The following RGS3 variants were observed in gnomAD, a reference collection of about 807,000 sequenced individuals.
RGS3 encodes regulator of G protein signaling 3.
In RGS3, 80 loss-of-function variants were observed where a neutral mutation model predicts 132.6. The observed-to-expected ratio is 0.60, with a 90% CI of 0.50 to 0.73. RGS3 has a LOEUF of 0.73. RGS3 is among the 30% of genes least tolerant of loss of function. The pLI is 0.00. For synonymous variants in RGS3, 598 were observed against 620.6 expected, an observed-to-expected ratio of 0.96 and a Z score of 0.54; for missense variants, 1,382 against 1,530.8, an observed-to-expected ratio of 0.90 and a Z score of 1.62.
At chr9:113,530,233 A>G (rs1442641483) in intron 18 of RGS3, among the ~76,000 whole-genome samples, 1 of 152,246 alleles carries the variant, frequency 6.6e-6, no homozygotes, top group Non-Finnish European at 1.5e-5. Context: ...GTTCCTGGCT[A>G]AGAAGTGCAA....
Position 113,470,180 on chromosome 9 carries a change from A to G in RGS3, c.415+7979A>G, listed in dbSNP as rs577879950. Among the ~76,000 whole-genome samples, 10 of 147,444 alleles carry G rather than the reference A, an allele frequency of 6.8e-5. No individual in the cohort carries two copies. In the East Asian group the frequency reaches 1.6e-3, roughly 24 times the overall value. Reference sequence around the variant, plus strand: ...CCTGCCTTGGCCTCCCAAAGAGTCAATTTTTATAAATGTTCTTTGTGTATT... The same window carrying G: ...CCTGCCTTGGCCTCCCAAAGAGTCAGTTTTTATAAATGTTCTTTGTGTATT... On this transcript the variant is annotated intron_variant, in intron 3 of 24. Transcript: ENST00000350696.
intron 20 of RGS3, among the ~76,000 whole-genome samples, 160 bp downstream of exon 18, chr9:113,584,587 A>G (rs1415745643): frequency 6.6e-6 from 1 of 152,236 alleles, no homozygotes; most frequent in Admixed American, 6.5e-5. Flanking sequence ...ACTGAGGCCC[A>G]ATGGGACCAA....
intron 3 of RGS3, among the ~76,000 whole-genome samples, chr9:113,472,462 C>T (rs374788770): frequency 3.3e-5 from 5 of 152,120 alleles, no homozygotes; most frequent in South Asian, 2.1e-4. Flanking sequence ...AATACTGATA[C>T]GTGCTACAAT....
At chr9:113,582,274 C>T (rs769381671) in intron 19 of RGS3, 6 of 877,042 alleles carry the variant, frequency 6.8e-6, no homozygotes, top group Non-Finnish European at 8.2e-6. Context: ...TCAGTTTTCT[C>T]ATCCATCAAA....
intron 20 of RGS3, among the ~76,000 whole-genome samples, chr9:113,585,102 G>A (rs1035713721): frequency 3.3e-5 from 5 of 152,212 alleles, no homozygotes; most frequent in African/African-American, 1.2e-4. Context: ...CAGGCCCTGC[G>A]CTCTGCAACA....
At chr9:113,509,843 G>A (rs1831322377) in intron 14 of RGS3, among the ~76,000 whole-genome samples, 1 of 152,182 alleles carries the variant, frequency 6.6e-6, no homozygotes, top group Admixed American at 6.5e-5. Context: ...TTTCTCTCCG[G>A]TCTGGGGCAT....
At chr9:113,488,432 T>A (rs374427202) in intron 7 of RGS3, among the ~76,000 whole-genome samples, 8 of 152,148 alleles carry the variant, frequency 5.3e-5, no homozygotes, top group African/African-American at 1.9e-4. Flanking sequence ...TCAAGGAAGG[T>A]CATCGAATGC....
At chr9:113,583,168 T>G (rs1834908258) in intron 19 of RGS3, 2 of 494,798 alleles carry the variant, frequency 4.0e-6, no homozygotes, top group Non-Finnish European at 7.1e-6. Context: ...GCCTGGCACC[T>G]GCCAAAGCAG....
intron 16 of RGS3, 102 bp downstream of exon 14, chr9:113,517,726 T>C (rs1831749930): frequency 2.3e-6 from 2 of 870,154 alleles, no homozygotes; most frequent in South Asian, 3.2e-5. Context: ...CTTAGAATTG[T>C]ACATTCTCAG....
At chr9:113,522,874 C>T in intron 16 of RGS3, 56 bp from the exon 15 acceptor site, 2 of 1,177,202 alleles carry the variant, frequency 1.7e-6, no homozygotes. Context: ...GGTTGTGGCT[C>T]TCAGCCTCCA....
chr9:113,461,804 G>A, exon 2 of RGS3: 1 of 1,614,192 alleles, frequency 6.2e-7, no homozygotes, highest in South Asian at 1.1e-5. Flanking sequence ...TGGAGCCCAA[G>A]ATAGTCTCCC....
At chr9:113,456,921 T>C (rs763585316), upstream of RGS3, among the ~76,000 whole-genome samples, 24 of 152,090 alleles carry the variant, frequency 1.6e-4, no homozygotes, top group Non-Finnish European at 3.1e-4. Flanking sequence ...TGCCTCAGCC[T>C]CCCGAGTAGC....
chr9:113,571,099 G>C (rs924740210), intron 19 of RGS3, among the ~76,000 whole-genome samples: 20 of 152,122 alleles, frequency 1.3e-4, no homozygotes, highest in African/African-American at 3.4e-4. Context: ...TATTCTTGTT[G>C]CTCTGTGGTA....
At chr9:113,544,710 C>T (rs1433774629) in intron 19 of RGS3, among the ~76,000 whole-genome samples, 1 of 152,244 alleles carries the variant, frequency 6.6e-6, no homozygotes, top group Non-Finnish European at 1.5e-5. Context: ...GGATGAAAGA[C>T]ACCAAGGCTC....
At chr9:113,450,639 C>T (rs939723339) in intron 1 of RGS3, among the ~76,000 whole-genome samples, 12 of 151,638 alleles carry the variant, frequency 7.9e-5, no homozygotes, top group East Asian at 1.9e-4. Flanking sequence ...AACAGGTGAG[C>T]GCAGCAATAG....
exon 20 of RGS3, chr9:113,584,122 G>A (rs372089011): frequency 3.7e-6 from 6 of 1,614,146 alleles, no homozygotes; most frequent in Non-Finnish European, 4.2e-6. Flanking sequence ...GGACACCAGC[G>A]ATGACAACTA....
chr9:113,490,910 A>G (rs1220460963), intron 7 of RGS3, among the ~76,000 whole-genome samples: 2 of 131,386 alleles, frequency 1.5e-5, no homozygotes, highest in East Asian at 4.2e-4. Flanking sequence ...ATAATTATAT[A>G]TCAGTATATA....
intron 23 of RGS3, 198 bp downstream of exon 21, chr9:113,595,178 C>G: frequency 1.6e-6 from 1 of 608,010 alleles, no homozygotes. Flanking sequence ...CCAGCCCCTC[C>G]CCGTCCATGT....
chr9:113,472,142 A>G (rs1829855129), intron 3 of RGS3, among the ~76,000 whole-genome samples: 1 of 152,204 alleles, frequency 6.6e-6, no homozygotes, highest in Non-Finnish European at 1.5e-5. Flanking sequence ...TTGAGGGGAA[A>G]TTGGAACCCT....
Sources: gnomAD v4.1 joint callset for allele counts (sites outside exome capture counted in the v4.1 genomes callset) on GRCh38, gnomAD v4.1.1 for gene constraint, MANE v1.5 for transcripts, NCBI Gene and HGNC (gene_info 2026-07-23, HGNC 2026-07-21) for gene names.